The following MEST variants were observed in gnomAD, a reference collection of about 807,000 sequenced individuals.
MEST encodes the protein mesoderm specific transcript, also known as mesoderm-specific transcript homolog protein.
In MEST, 18 loss-of-function variants were observed where a neutral mutation model predicts 50.9. The observed-to-expected ratio is 0.35, with a 90% CI of 0.24 to 0.52. The LOEUF (loss-of-function observed/expected upper bound fraction) is 0.52, where lower values mean the gene tolerates loss of function less well. MEST is among the 20% of genes least tolerant of loss of function. MEST has a pLI of 0.94. For synonymous variants in MEST, 130 were observed against 154.1 expected, an observed-to-expected ratio of 0.84 and a Z score of 1.16; for missense variants, 282 against 425.3, an observed-to-expected ratio of 0.66 and a Z score of 2.96.
At position 130,498,481 on chromosome 7, in the gene MEST, A is replaced by G; in HGVS notation, c.535+4A>G. 6.2e-7 allele frequency: 1 copy of G among 1,614,052 alleles called. No individual in the cohort carries two copies. Among genetic ancestry groups the G allele is most frequent in the African/African-American group, 1.3e-5 (1 of 75,024 alleles). On this transcript the variant is annotated splice_donor_region_variant and intron_variant, in intron 6 of 11. Transcript: ENST00000223215. ...AGTCTCTGTCTGTCAAATGGAGGTA[A>G]TTGCCTTGGCGGTAGGTAGAAAGTG...
At position 130,495,777 on chromosome 7, in the gene MEST, A is replaced by AGTTTT. The variant is rs1280822561; in HGVS notation, c.181+256_181+260dup. On this transcript the variant is annotated intron_variant, in intron 2 of 11. Coordinates refer to ENST00000223215, the MANE Select transcript of MEST (RefSeq NM_002402.4). The stretch of plus-strand genomic sequence containing the variant: ...GTAGCTTGATATGTATTCCAATATT[A>AGTTTT]GTTTTTTTTTTTTTTTGAGCAACCT... The AGTTTT allele has an allele frequency of 2.0e-5, 4 of 202,034 alleles. No homozygotes were observed. The East Asian group carries it at 3.9e-4, about 20-fold the overall frequency. 12.5% of individuals were successfully genotyped at this position (202,034 alleles called of 1,614,324 possible).
chr7:130,495,185 T>C (rs544425081), intron 1 of MEST, among the ~76,000 whole-genome samples, 183 bp from the exon 2 acceptor site: 7 of 152,162 alleles, frequency 4.6e-5, no homozygotes, highest in Admixed American at 4.6e-4. Context: ...TGAACAAATA[T>C]GGTGAGTGCT....
intron 10 of MEST, 60 bp downstream of exon 10, chr7:130,502,780 A>G: frequency 8.2e-7 from 1 of 1,217,300 alleles, no homozygotes; most frequent in Non-Finnish European, 1.2e-6. Flanking sequence ...AGTAATCGCA[A>G]CTCCTTTATA....
Position 130,497,292 on chromosome 7 carries a change from G to T in MEST, c.261+57G>T. 1 of 1,464,968 alleles carries T rather than the reference G, an allele frequency of 6.8e-7. No homozygotes were observed. 90.7% of individuals were successfully genotyped at this position (1,464,968 alleles called of 1,614,324 possible). A position where few individuals can be genotyped will look rare whatever the true frequency, so the allele number is the denominator to read the frequency against. ...GTCTTAAAAAATCTCGGCCGGGCGC[G>T]GGGGCTCAAATCCTAGCACTTTGGG... is the stretch of plus-strand genomic sequence containing the variant. On this transcript the variant is annotated intron_variant, in intron 3 of 11. Coordinates refer to ENST00000223215, the MANE Select transcript of MEST (RefSeq NM_002402.4). The surrounding 1 kb of genome is among the most constrained non-coding windows in gnomAD (Gnocchi z 4.0).
chr7:130,488,540 T>A (rs1357123512), upstream of MEST: 1 of 152,232 alleles, frequency 6.6e-6, no homozygotes, highest in Non-Finnish European at 1.5e-5. Flanking sequence ...CAGGCACATC[T>A]GCGTTCAGTT....
chr7:130,492,990 C>T lies in MEST; in HGVS notation c.26+651C>T, dbSNP rs1250552314. Among the ~76,000 whole-genome samples, 4 of 152,078 alleles carry T rather than the reference C, an allele frequency of 2.6e-5. No individual in the cohort carries two copies. The highest frequency in any genetic ancestry group is 9.7e-5 in the African/African-American group (4 of 41,400). On this transcript the variant is annotated intron_variant, in intron 1 of 11. Coordinates refer to ENST00000223215, the MANE Select transcript of MEST (RefSeq NM_002402.4). This position sits in a 1 kb window ranked among gnomAD's most constrained non-coding sequence, Gnocchi z 7.6. ...AGGATTTTTAGAACCCCGGTGTCTCCGTGGCGCACCTTAGGATTTCAAGAA... is the reference window on the plus strand; with the variant it reads ...AGGATTTTTAGAACCCCGGTGTCTCTGTGGCGCACCTTAGGATTTCAAGAA...
In MEST at chr7:130,501,223, A is replaced by G. The variant is rs557897946; in HGVS notation, c.749+333A>G. Among the ~76,000 whole-genome samples the G allele has an allele frequency of 2.1e-4, 32 of 152,310 alleles. 1 individual carries two copies. The highest frequency in any genetic ancestry group is 5.9e-5 in the Non-Finnish European group (4 of 68,026). ...ACTTCTCTTTCTCTGTCTTGTACAA[A>G]GAATTCCCATGCCTTGGTTCAAATG... On this transcript the variant is annotated intron_variant, in intron 9 of 11. Coordinates refer to ENST00000223215, the MANE Select transcript of MEST (RefSeq NM_002402.4).
chr7:130,497,076 C>A lies in MEST; in HGVS notation c.182-80C>A. 8.9e-7 allele frequency: 1 copy of A among 1,128,612 alleles called. No individual in the cohort carries two copies. The allele number at this position is 1,128,612 out of a possible 1,614,324, so 69.9% of individuals were successfully genotyped here. On this transcript the variant is annotated intron_variant, in intron 2 of 11. Coordinates refer to ENST00000223215, the MANE Select transcript of MEST (RefSeq NM_002402.4). This position sits in a 1 kb window ranked among gnomAD's most constrained non-coding sequence, Gnocchi z 4.0. ...GGTCACAGTTGCTTGTTCTTTGTAT[C>A]AGATTACTTAGATTTTAACATCTTC...
In MEST at chr7:130,500,337, C is replaced by A; in HGVS notation, c.577-125C>A. 1 of 764,050 alleles carries A rather than the reference C, an allele frequency of 1.3e-6. No individual in the cohort carries two copies. The highest frequency in any genetic ancestry group is 2.1e-6 in the Non-Finnish European group (1 of 479,518). The allele number at this position is 764,050 out of a possible 1,614,324, so 47.3% of individuals were successfully genotyped here. A position where few individuals can be genotyped will look rare whatever the true frequency, so the allele number is the denominator to read the frequency against. ...AATGCGGGTAGGCAAAACAAAATGC[C>A]AAGTACCAAACCATTCAGTAGCAGG... On this transcript the variant is annotated intron_variant, in intron 7 of 11. Coordinates refer to ENST00000223215, the MANE Select transcript of MEST (RefSeq NM_002402.4). This position sits in a 1 kb window ranked among gnomAD's most constrained non-coding sequence, Gnocchi z 5.0.
Position 130,497,412 on chromosome 7 carries a change from C to T in MEST, c.261+177C>T, listed in dbSNP as rs1554437329. ...TCTCTACTAAAAGTATAAAAATTGG[C>T]CAGGCATGGTGGCACAAGCCTGTAA... On this transcript the variant is annotated intron_variant, in intron 3 of 11. Transcript: ENST00000223215. This position sits in a 1 kb window ranked among gnomAD's most constrained non-coding sequence, Gnocchi z 4.0. 3 of 423,610 alleles carry T rather than the reference C, an allele frequency of 7.1e-6. No individual in the cohort carries two copies. Among genetic ancestry groups the T allele is most frequent in the African/African-American group, 4.2e-5 (2 of 48,036 alleles). The allele number at this position is 423,610 out of a possible 1,614,324, so 26.2% of individuals were successfully genotyped here.
rs1242674050 is a variant in MEST, at chr7:130,492,452, T to G, written c.26+113T>G. The G allele has an allele frequency of 1.0e-6, 1 of 964,434 alleles. No individual in the cohort carries two copies. Among genetic ancestry groups the G allele is most frequent in the African/African-American group, 1.7e-5 (1 of 58,950 alleles). 59.7% of individuals were successfully genotyped at this position (964,434 alleles called of 1,614,324 possible). On this transcript the variant is annotated intron_variant, in intron 1 of 11. Transcript: ENST00000223215. This position sits in a 1 kb window ranked among gnomAD's most constrained non-coding sequence, Gnocchi z 7.6. The stretch of plus-strand genomic sequence containing the variant: ...GCTGGGGCTGCCTCTGGGCGAAAAC[T>G]CTACCGACAGGCGGCACGCATTCCG...
In MEST at chr7:130,505,174, T is replaced by G. The variant is rs1799433555; in HGVS notation, c.*118T>G. On this transcript the variant is annotated 3_prime_UTR_variant, in exon 12 of 12. Transcript: ENST00000223215. The stretch of plus-strand genomic sequence containing the variant: ...CATCAAACATAATTCTCTCACAAAG[T>G]CCACTTTACTCAAATTGGTGAACAG... 1 of 776,652 alleles carries G rather than the reference T, an allele frequency of 1.3e-6. No individual in the cohort carries two copies. The highest frequency in any genetic ancestry group is 1.7e-5 in the African/African-American group (1 of 58,224). 48.1% of individuals were successfully genotyped at this position (776,652 alleles called of 1,614,324 possible).
rs1327834423 is a variant in MEST at position 130,505,947 on chromosome 7, T to G, written c.*891T>G. 1 of 152,454 alleles carries G rather than the reference T, an allele frequency of 6.6e-6. No homozygotes were observed. Among genetic ancestry groups the G allele is most frequent in the Non-Finnish European group, 1.5e-5 (1 of 68,038 alleles). 9.4% of individuals were successfully genotyped at this position (152,454 alleles called of 1,614,324 possible). ...TTGAGCTACAGTAGAGGGGAAGGGA[T>G]TGTTGTGTAGTCAAGTCACCATGCT... is the stretch of plus-strand genomic sequence containing the variant. On this transcript the variant is annotated 3_prime_UTR_variant, in exon 12 of 12. Coordinates refer to ENST00000223215, the MANE Select transcript of MEST (RefSeq NM_002402.4).
chr7:130,493,644 G>T (rs765668443), intron 1 of MEST, among the ~76,000 whole-genome samples: 8 of 152,132 alleles, frequency 5.3e-5, no homozygotes, highest in Non-Finnish European at 1.0e-4. Context: ...CACTTTCCCT[G>T]AGCAGCGGCG....
At position 130,497,824 on chromosome 7, in the gene MEST, C is replaced by T. The variant is rs926752481; in HGVS notation, c.262-112C>T. Reference sequence around the variant, plus strand: ...CTGTGGTAGTTTCATGGCGTTTTCTCTTTATGGAAGTCTGTTAAGCCAAGA... The same window carrying T: ...CTGTGGTAGTTTCATGGCGTTTTCTTTTTATGGAAGTCTGTTAAGCCAAGA... On this transcript the variant is annotated intron_variant, in intron 3 of 11. Transcript: ENST00000223215. The surrounding 1 kb of genome is among the most constrained non-coding windows in gnomAD (Gnocchi z 4.0). The T allele has an allele frequency of 6.6e-6, 6 of 914,380 alleles. No individual in the cohort carries two copies. The highest frequency in any genetic ancestry group is 1.1e-5 in the Non-Finnish European group (6 of 552,906). The allele number at this position is 914,380 out of a possible 1,614,324, so 56.6% of individuals were successfully genotyped here. A position where few individuals can be genotyped will look rare whatever the true frequency, so the allele number is the denominator to read the frequency against.
rs1799246624 is a variant in MEST at position 130,500,760 on chromosome 7, T to C, written c.648-29T>C. On this transcript the variant is annotated intron_variant, in intron 8 of 11. Coordinates refer to ENST00000223215, the MANE Select transcript of MEST (RefSeq NM_002402.4). This position sits in a 1 kb window ranked among gnomAD's most constrained non-coding sequence, Gnocchi z 5.0. ...TGAACATTCTGAGTTCTCCTCACAC[T>C]TATCTTCCTGCGTTTTGGACTCTTT... The C allele has an allele frequency of 6.3e-7, 1 of 1,581,186 alleles. No homozygotes were observed. The highest frequency in any genetic ancestry group is 1.4e-5 in the African/African-American group (1 of 74,012).
At position 130,495,414 on chromosome 7, in the gene MEST, C is replaced by T; in HGVS notation, c.73C>T (p.Leu25Phe). The change falls in exon 2 of 12, where the codon CTT becomes TTT. Residue 25 changes from leucine (L) to phenylalanine (F), a missense_variant. Coordinates refer to ENST00000223215, the MANE Select transcript of MEST (RefSeq NM_002402.4). ...VQVGLLAVPL[L>F]AAYLHIPPPQ... is the part of the protein sequence containing the mutation. ...GGTGGGGCTGCTGGCCGTGCCCCTG[C>T]TTGCTGCGTACCTGCACATCCCACC... 6.2e-7 allele frequency: 1 copy of T among 1,613,680 alleles called. No homozygotes were observed. The highest frequency in any genetic ancestry group is 8.5e-7 in the Non-Finnish European group (1 of 1,179,798).
At chr7:130,504,274 C>T (rs1584953066) in intron 11 of MEST, among the ~76,000 whole-genome samples, 1 of 152,302 alleles carries the variant, frequency 6.6e-6, no homozygotes, top group East Asian at 1.9e-4. Context: ...TCATGTGAGT[C>T]AAAGGTTGAA....
chr7:130,492,622 A>G lies in MEST; in HGVS notation c.26+283A>G. On this transcript the variant is annotated intron_variant, in intron 1 of 11. Coordinates refer to ENST00000223215, the MANE Select transcript of MEST (RefSeq NM_002402.4). This position sits in a 1 kb window ranked among gnomAD's most constrained non-coding sequence, Gnocchi z 7.6. ...ATTTCTGGACCCCAGCGTCATCTTG[A>G]TATGACTTAGGATCCATAATGACCC... is the stretch of plus-strand genomic sequence containing the variant. 2.9e-6 allele frequency: 1 copy of G among 347,294 alleles called. No individual in the cohort carries two copies. The highest frequency in any genetic ancestry group is 5.2e-6 in the Non-Finnish European group (1 of 193,488). The allele number at this position is 347,294 out of a possible 1,614,324, so 21.5% of individuals were successfully genotyped here. A position where few individuals can be genotyped will look rare whatever the true frequency, so the allele number is the denominator to read the frequency against.
Sources: allele counts gnomAD v4.1 joint callset (sites outside exome capture counted in the v4.1 genomes callset), GRCh38; gene constraint gnomAD v4.1.1; non-coding constraint Gnocchi (gnomAD v3.1); transcripts MANE v1.5; gene names NCBI Gene and HGNC (gene_info 2026-07-23, HGNC 2026-07-21).